GPI: variants seen among roughly 807,000 people sequenced by gnomAD.
GPI encodes glucose-6-phosphate isomerase, also known as D-hexose-6-phosphate anomerase.
A neutral mutation model predicts 75.8 loss-of-function variants in GPI; 56 were observed. That is an observed-to-expected ratio of 0.74 (90% CI 0.60 to 0.92). The LOEUF is 0.92. GPI is among the 40% of genes least tolerant of loss of function. GPI has a pLI of 0.00. For synonymous variants in GPI, 288 were observed against 285.4 expected (o/e 1.01, Z -0.09); for missense variants, 638 against 741.0 (o/e 0.86, Z 1.61).
intron 9 of GPI, among the ~76,000 whole-genome samples, chr19:34,385,492 G>A (rs1486360014): frequency 3.3e-5 from 5 of 152,192 alleles, no homozygotes; most frequent in Non-Finnish European, 7.3e-5. Flanking sequence ...TTGGAGCCTG[G>A]CCCAGGTACA....
At chr19:34,378,350 G>A (rs1165664328) in intron 6 of GPI, among the ~76,000 whole-genome samples, 3 of 151,966 alleles carry the variant, frequency 2.0e-5, no homozygotes, top group South Asian at 2.1e-4. Flanking sequence ...ACACCACCAC[G>A]CCTGGCTAAT....
chr19:34,372,579 C>G (rs546885192), intron 4 of GPI, among the ~76,000 whole-genome samples: 4 of 152,228 alleles, frequency 2.6e-5, no homozygotes, highest in Non-Finnish European at 5.9e-5. Flanking sequence ...GAATTTGAAG[C>G]TGCAGTGAGC....
chr19:34,365,665 C>T, intron 1 of GPI: 1 of 613,482 alleles, frequency 1.6e-6, no homozygotes, highest in Non-Finnish European at 3.0e-6. Context: ...CTCCTCCTCC[C>T]CGTGCAGCTC....
Position 34,393,465 on chromosome 19 carries a change from G to A in GPI, c.865+157G>A, listed in dbSNP as rs2074896177. 1 of 784,576 alleles carries A rather than the reference G, an allele frequency of 1.3e-6. No individual in the cohort carries two copies. The highest frequency in any genetic ancestry group is 2.2e-6 in the Non-Finnish European group (1 of 449,682). The allele number at this position is 784,576 out of a possible 1,614,324, so 48.6% of individuals were successfully genotyped here. ...TATTTATTTCATGTCCAGAAGGAAG[G>A]TCTGGGTTTTTTTGCGTGTGCAAGT... is the stretch of plus-strand genomic sequence containing the variant. On this transcript the variant is annotated intron_variant, in intron 10 of 17. Coordinates refer to ENST00000356487, the MANE Select transcript of GPI (RefSeq NM_000175.5). The surrounding 1 kb of genome is among the most constrained non-coding windows in gnomAD (Gnocchi z 4.4).
At chr19:34,385,362 A>G (rs2074718930) in intron 9 of GPI, among the ~76,000 whole-genome samples, 1 of 112,786 alleles carries the variant, frequency 8.9e-6, no homozygotes. Flanking sequence ...ACAAAAAACA[A>G]AAAAAAAAAA....
At position 34,399,766 on chromosome 19, in the gene GPI, A is replaced by G. The variant is rs1167491543; in HGVS notation, c.1522A>G (p.Asn508Asp). Reference protein sequence around the residue: ...IFVQGIIWDINSFDQWGVELG... With the variant: ...IFVQGIIWDIDSFDQWGVELG... ...CGTTCAGGGCATCATCTGGGACATC[A>G]ACAGCTTTGACCAGTGGGGGTGAGT... The change falls in exon 17 of 18, where the codon AAC becomes GAC. Residue 508 changes from asparagine (N) to aspartate (D), a missense_variant. Asn to Asp is a conservative substitution (Grantham distance 23). Transcript: ENST00000356487. The G allele has an allele frequency of 3.7e-6, 6 of 1,614,086 alleles. No homozygotes were observed. The highest frequency in any genetic ancestry group is 1.7e-5 in the Admixed American group (1 of 60,004).
intron 4 of GPI, among the ~76,000 whole-genome samples, chr19:34,371,075 G>A (rs558411334): frequency 6.6e-6 from 1 of 152,278 alleles, no homozygotes; most frequent in African/African-American, 2.4e-5. Context: ...AGTGCTGTGT[G>A]ATCAGTCTGG....
At chr19:34,363,403 T>G (rs183672763), upstream of GPI, 1 of 152,396 alleles carries the variant, frequency 6.6e-6, no homozygotes, top group East Asian at 1.9e-4. Flanking sequence ...AATGGGGCAG[T>G]GGCTACTGAG....
intron 4 of GPI, among the ~76,000 whole-genome samples, chr19:34,375,047 A>T (rs1188554319): frequency 6.6e-6 from 1 of 151,538 alleles, no homozygotes; most frequent in African/African-American, 2.4e-5. Flanking sequence ...TTAGGTTTTT[A>T]TTATGACCAC....
rs111865062 is a variant in GPI, at chr19:34,368,580, C to G, written c.283-3C>G. On this transcript the variant is annotated splice_polypyrimidine_tract_variant and splice_region_variant and intron_variant, in intron 3 of 17. Transcript: ENST00000356487. The stretch of plus-strand genomic sequence containing the variant: ...GTCTTTATATCCTGACCGTAATCCC[C>G]AGGGTCGAGCCGTGCTGCACGTGGC... The G allele has an allele frequency of 1.2e-6, 2 of 1,614,060 alleles. No homozygotes were observed. The highest frequency in any genetic ancestry group is 8.5e-7 in the Non-Finnish European group (1 of 1,180,028).
At chr19:34,370,650 G>A (rs767607796) in intron 4 of GPI, among the ~76,000 whole-genome samples, 1 of 151,948 alleles carries the variant, frequency 6.6e-6, no homozygotes, top group African/African-American at 2.4e-5. Context: ...TCTTGAACCC[G>A]GGAGGCAGAG....
intron 4 of GPI, among the ~76,000 whole-genome samples, chr19:34,374,901 T>A (rs2074510904): frequency 6.6e-6 from 1 of 150,544 alleles, no homozygotes; most frequent in Non-Finnish European, 1.5e-5. Context: ...GCTACTTTTT[T>A]ATTTTTTGTA....
rs756671416 is a variant in GPI, at chr19:34,368,726, C to T, written c.402+24C>T. On this transcript the variant is annotated intron_variant, in intron 4 of 17. Coordinates refer to ENST00000356487, the MANE Select transcript of GPI (RefSeq NM_000175.5). ...AGGTAAGTGGCTACTGGGCCGGACTCACCCTTGGCCGTGTGTGTGAGTTAT... is the reference window on the plus strand; with the variant it reads ...AGGTAAGTGGCTACTGGGCCGGACTTACCCTTGGCCGTGTGTGTGAGTTAT... 2.5e-6 allele frequency: 4 copies of T among 1,614,014 alleles called. No homozygotes were observed. The East Asian group carries it at 8.9e-5, about 36-fold the overall frequency.
chr19:34,389,781 A>G (rs941301832), intron 9 of GPI, among the ~76,000 whole-genome samples: 2 of 152,162 alleles, frequency 1.3e-5, no homozygotes, highest in Non-Finnish European at 1.5e-5. Context: ...CCTCAGCACC[A>G]TGTTCCAATT....
At position 34,399,620 on chromosome 19, in the gene GPI, G is replaced by A; in HGVS notation, c.1463G>A (p.Gly488Glu). Residue 488 changes from glycine to glutamate, a missense_variant, in exon 16 of 18, where the codon GGA (glycine) becomes GAA (glutamate). Coordinates refer to ENST00000356487, the MANE Select transcript of GPI (RefSeq NM_000175.5). Reference sequence around the variant, plus strand: ...ACCAAGCTCACACCATTCATGCTTGGAGCCTTGGTCGGTGAGTGAGTAGGG... The same window carrying A: ...ACCAAGCTCACACCATTCATGCTTGAAGCCTTGGTCGGTGAGTGAGTAGGG... ...VFTKLTPFML[G>E]ALVAMYEHKI... The A allele has an allele frequency of 6.2e-7, 1 of 1,614,184 alleles. No homozygotes were observed. The highest frequency in any genetic ancestry group is 1.3e-5 in the African/African-American group (1 of 75,052).
In GPI at chr19:34,365,735, A is replaced by G. The variant is rs1352325882; in HGVS notation, c.122+347A>G. 6.0e-6 allele frequency: 3 copies of G among 500,920 alleles called. No homozygotes were observed. In the Admixed American group the frequency reaches 6.8e-5, roughly 11 times the overall value. 31.0% of individuals were successfully genotyped at this position (500,920 alleles called of 1,614,324 possible). ...GAAGAGAGGCCTTGGCTGACGCAGCAAGCGGGAAAGGGCTGTCCCTTTCCA... is the reference window on the plus strand; with the variant it reads ...GAAGAGAGGCCTTGGCTGACGCAGCGAGCGGGAAAGGGCTGTCCCTTTCCA... On this transcript the variant is annotated intron_variant, in intron 1 of 17. Transcript: ENST00000356487.
rs893327824 is a variant in GPI at position 34,368,793 on chromosome 19, T to C, written c.402+91T>C. ...CCTAAGGGGCAGCTCTTCCCTCTTC[T>C]TGTAGGCAGGACTCAGGTTCTCACT... On this transcript the variant is annotated intron_variant, in intron 4 of 17. Coordinates refer to ENST00000356487, the MANE Select transcript of GPI (RefSeq NM_000175.5). 3 of 1,456,580 alleles carry C rather than the reference T, an allele frequency of 2.1e-6. No homozygotes were observed. In the African/African-American group the frequency reaches 4.2e-5, roughly 20 times the overall value. 90.2% of individuals were successfully genotyped at this position (1,456,580 alleles called of 1,614,324 possible).
At position 34,374,547 on chromosome 19, in the gene GPI, C is replaced by T. The variant is rs193101680; in HGVS notation, c.403-2956C>T. On this transcript the variant is annotated intron_variant, in intron 4 of 17. Coordinates refer to ENST00000356487, the MANE Select transcript of GPI (RefSeq NM_000175.5). Reference sequence around the variant, plus strand: ...TTAGAAGTCTAGAACCTCATTTTGTCAAGTACAGGTGTAGTAGTACCTGCA... The same window carrying T: ...TTAGAAGTCTAGAACCTCATTTTGTTAAGTACAGGTGTAGTAGTACCTGCA... 1.1e-4 allele frequency among the ~76,000 whole-genome samples: 16 copies of T among 152,230 alleles called. No individual in the cohort carries two copies. In the East Asian group the frequency reaches 3.1e-3, roughly 29 times the overall value.
At chr19:34,376,998 CA>C (rs922303111) in intron 4 of GPI, among the ~76,000 whole-genome samples, 20 of 145,974 alleles carry the variant, frequency 1.4e-4, no homozygotes, top group African/African-American at 2.0e-4. Context: ...GACTCTGTCT[CA>C]AAAAAAAAAT....
Sources: allele counts gnomAD v4.1 joint callset (sites outside exome capture counted in the v4.1 genomes callset), GRCh38; gene constraint gnomAD v4.1.1; non-coding constraint Gnocchi (gnomAD v3.1); transcripts MANE v1.5; gene names NCBI Gene and HGNC (gene_info 2026-07-23, HGNC 2026-07-21).